The following ANKRD30B variants were observed in gnomAD, a reference collection of about 807,000 sequenced individuals.
The protein encoded by ANKRD30B is ankyrin repeat domain-containing protein 30B.
A neutral mutation model predicts 202.2 loss-of-function variants in ANKRD30B; 144 were observed. That is an observed-to-expected ratio of 0.71 (90% CI 0.62 to 0.82). ANKRD30B has a LOEUF of 0.82. Ranked by LOEUF, ANKRD30B falls within the 40% of genes least tolerant of loss-of-function variation. The pLI, the probability that ANKRD30B is intolerant of heterozygous loss-of-function variation, is 0.00. For missense variants in ANKRD30B, 1,487 were observed against 1,669.1 expected, an observed-to-expected ratio of 0.89 and a Z score of 1.90; for synonymous variants, 508 against 561.3, an observed-to-expected ratio of 0.91 and a Z score of 1.34.
At chr18:14,926,916 G>C in the ANKRD30B span, among the ~76,000 whole-genome samples, 821 of 151,356 alleles carry the variant, frequency 5.4e-3, 6 homozygotes, top group African/African-American at 0.02. Flanking sequence ...CCATTTGTGA[G>C]CAAGGGTTGT....
In ANKRD30B at chr18:14,810,454, A is replaced by C. The variant is rs117413076; in HGVS notation, c.2488+274A>C. 9.9e-3 allele frequency among the ~76,000 whole-genome samples: 1,491 copies of C among 151,276 alleles called. 57 individuals carry two copies. Among genetic ancestry groups the C allele is most frequent in the Non-Finnish European group, 0.016 (1,091 of 67,826 alleles). On this transcript the variant is annotated intron_variant, in intron 28 of 43. Coordinates refer to ENST00000690538, the MANE Select transcript of ANKRD30B (RefSeq NM_001367607.2). The stretch of plus-strand genomic sequence containing the variant: ...CAATTTGCAATTTCTGTACGTGCTC[A>C]GTTTTACGGCAGGTGAATTTTGAAA...
At chr18:14,853,213 T>C (rs556602883) in intron 42 of ANKRD30B, among the ~76,000 whole-genome samples, 3 of 152,174 alleles carry the variant, frequency 2.0e-5, no homozygotes, top group African/African-American at 7.2e-5. Context: ...CACAGAAAGA[T>C]GATTGTAGCT....
chr18:14,777,954 A>T (rs1737705764), intron 9 of ANKRD30B, 31 bp from the exon 10 acceptor site: 2 of 1,484,062 alleles, frequency 1.3e-6, no homozygotes, highest in Non-Finnish European at 1.8e-6. Flanking sequence ...AAGGAAAAAG[A>T]CAAATTATTT....
At chr18:14,937,690 T>C in the ANKRD30B span, among the ~76,000 whole-genome samples, 1 of 152,232 alleles carries the variant, frequency 6.6e-6, no homozygotes, top group Non-Finnish European at 1.5e-5. Context: ...GCTCTGTGAA[T>C]TGTCCTCAAT....
At chr18:14,839,251 G>A (rs1017043167) in intron 36 of ANKRD30B, among the ~76,000 whole-genome samples, 1 of 152,182 alleles carries the variant, frequency 6.6e-6, no homozygotes, top group Non-Finnish European at 1.5e-5. Flanking sequence ...TGTTCCTTAA[G>A]AGAAAATTGA....
the ANKRD30B span, among the ~76,000 whole-genome samples, chr18:14,881,345 T>A: frequency 6.6e-6 from 1 of 152,306 alleles, no homozygotes; most frequent in South Asian, 2.1e-4. Flanking sequence ...GATATAATCG[T>A]GTGAGTTTTT....
chr18:14,772,141 C>T lies in ANKRD30B; in HGVS notation c.1257-15C>T. 6.9e-7 allele frequency: 1 copy of T among 1,456,484 alleles called. No homozygotes were observed. Among genetic ancestry groups the T allele is most frequent in the Non-Finnish European group, 9.2e-7 (1 of 1,088,756 alleles). 90.2% of individuals were successfully genotyped at this position (1,456,484 alleles called of 1,614,324 possible). On this transcript the variant is annotated splice_polypyrimidine_tract_variant and intron_variant, in intron 8 of 43. Coordinates refer to ENST00000690538, the MANE Select transcript of ANKRD30B (RefSeq NM_001367607.2). The stretch of plus-strand genomic sequence containing the variant: ...ATGAATTTGCTCATTTATGTTGTAT[C>T]ATTTTTCTTTAAAGTCTTTTTGGCA...
chr18:14,792,477 G>C lies in ANKRD30B; in HGVS notation c.1825+986G>C, dbSNP rs562645633. Among the ~76,000 whole-genome samples the C allele has an allele frequency of 1.7e-4, 26 of 152,188 alleles. 1 individual carries two copies. In the South Asian group the frequency reaches 5.0e-3, roughly 29 times the overall value. ...TGAATGGGAAGAAACAAGAGCACAA[G>C]TCTAGAGATTACTTTTGCTAAAGAA... On this transcript the variant is annotated intron_variant, in intron 16 of 43. Transcript: ENST00000690538.
At chr18:14,820,441 A>T (rs570642212) in intron 30 of ANKRD30B, among the ~76,000 whole-genome samples, 12 of 152,270 alleles carry the variant, frequency 7.9e-5, no homozygotes, top group African/African-American at 2.9e-4. Flanking sequence ...GTATTGTGCC[A>T]GTTTTCAAAG....
At chr18:14,895,387 G>T in the ANKRD30B span, among the ~76,000 whole-genome samples, 2 of 152,190 alleles carry the variant, frequency 1.3e-5, no homozygotes, top group Non-Finnish European at 2.9e-5. Context: ...AGTGCTGTAC[G>T]CTGGCAAGGA....
Position 14,748,491 on chromosome 18 carries a change from G to A in ANKRD30B, c.72G>A (p.Arg24=). Residue 24 remains arginine (R), a synonymous_variant, in exon 1 of 44, where the codon CGG becomes CGA. Coordinates refer to ENST00000690538, the MANE Select transcript of ANKRD30B (RefSeq NM_001367607.2). ...AGCCCCCGAACCCCTTCAGCGAACG[G>A]GTCTACACTGAGAAGGACTACGGGA... ...GPEPPNPFSE[R]VYTEKDYGTI... is the part of the protein sequence containing the mutation. 2 of 1,551,268 alleles carry A rather than the reference G, an allele frequency of 1.3e-6. No individual in the cohort carries two copies. The highest frequency in any genetic ancestry group is 1.7e-6 in the Non-Finnish European group (2 of 1,146,852).
rs557406324 is a variant in ANKRD30B at position 14,830,587 on chromosome 18, A to G, written c.2775-796A>G. 3.0e-4 allele frequency among the ~76,000 whole-genome samples: 46 copies of G among 152,284 alleles called. No individual in the cohort carries two copies. The South Asian group carries it at 9.5e-3, about 32-fold the overall frequency. Reference sequence around the variant, plus strand: ...TTTATGCTGAAAAACAAAGAATGTCATTTTCCAGTGACACAGATTAGTCTT... The same window carrying G: ...TTTATGCTGAAAAACAAAGAATGTCGTTTTCCAGTGACACAGATTAGTCTT... On this transcript the variant is annotated intron_variant, in intron 33 of 43. Coordinates refer to ENST00000690538, the MANE Select transcript of ANKRD30B (RefSeq NM_001367607.2).
At chr18:14,939,371 G>A in the ANKRD30B span, among the ~76,000 whole-genome samples, 8 of 152,142 alleles carry the variant, frequency 5.3e-5, no homozygotes, top group Admixed American at 1.3e-4. Flanking sequence ...TGGCTCAGGG[G>A]CCCAGGGAGC....
At chr18:14,923,552 C>G in the ANKRD30B span, among the ~76,000 whole-genome samples, 1 of 151,992 alleles carries the variant, frequency 6.6e-6, no homozygotes, top group Non-Finnish European at 1.5e-5. Context: ...GATGGCATCT[C>G]TGGACCTTCC....
the ANKRD30B span, among the ~76,000 whole-genome samples, chr18:14,881,915 T>C: frequency 2.6e-5 from 4 of 152,172 alleles, no homozygotes. Context: ...TACCCTTGAA[T>C]AACCTTTAAT....
chr18:14,784,848 T>C (rs1349316149), intron 14 of ANKRD30B, among the ~76,000 whole-genome samples: 1 of 152,234 alleles, frequency 6.6e-6, no homozygotes, highest in Non-Finnish European at 1.5e-5. Context: ...CTAACTTTTT[T>C]AGTTCTTTGA....
chr18:14,827,579 G>A (rs562214489), intron 32 of ANKRD30B, among the ~76,000 whole-genome samples: 3 of 152,220 alleles, frequency 2.0e-5, no homozygotes, highest in South Asian at 2.1e-4. Context: ...ACATTTGGTC[G>A]CAGATGTCTT....
At chr18:14,788,615 A>G (rs562568733) in intron 15 of ANKRD30B, among the ~76,000 whole-genome samples, 4 of 151,916 alleles carry the variant, frequency 2.6e-5, no homozygotes, top group Admixed American at 1.3e-4. Flanking sequence ...TCATTGTTCA[A>G]TTCCCACCTA....
In ANKRD30B at chr18:14,797,203, C is replaced by G. The variant is rs1001245231; in HGVS notation, c.1928-458C>G. The stretch of plus-strand genomic sequence containing the variant: ...CATAGCACTATCTTATCCATATGGA[C>G]AGGTACCCCCCCATGCGTCTGTTTA... On this transcript the variant is annotated intron_variant, in intron 18 of 43. Coordinates refer to ENST00000690538, the MANE Select transcript of ANKRD30B (RefSeq NM_001367607.2). Among the ~76,000 whole-genome samples the G allele has an allele frequency of 2.0e-5, 3 of 152,206 alleles. No individual in the cohort carries two copies. The South Asian group carries it at 6.2e-4, about 32-fold the overall frequency.
Sources: allele counts gnomAD v4.1 joint callset (sites outside exome capture counted in the v4.1 genomes callset), GRCh38; gene constraint gnomAD v4.1.1; transcripts MANE v1.5; gene names NCBI Gene and HGNC (gene_info 2026-07-23, HGNC 2026-07-21).